Variants in ANKS1B observed in about 807,000 individuals in gnomAD.
ANKS1B encodes the protein ankyrin repeat and sterile alpha motif domain containing 1B, also known as ankyrin repeat and sterile alpha motif domain-containing protein 1B.
In ANKS1B, 36 loss-of-function variants were observed where a neutral mutation model predicts 148.3. The observed-to-expected ratio is 0.24, with a 90% CI of 0.19 to 0.32. ANKS1B has a LOEUF of 0.32. Among genes scored for constraint, ANKS1B ranks in the 10% least tolerant of loss-of-function variants. The pLI, the probability that ANKS1B is intolerant of heterozygous loss-of-function variation, is 1.00. For synonymous variants in ANKS1B, 542 were observed against 560.8 expected, an observed-to-expected ratio of 0.97 and a Z score of 0.47; for missense variants, 1,157 against 1,542.6, an observed-to-expected ratio of 0.75 and a Z score of 4.19.
rs1314475094 is a variant in ANKS1B, at chr12:99,277,083, T to C, written c.1757-30219A>G. ...AACCTGATGATCACAGAGCAGTTCT[T>C]GAAAGGAGTCTTGAGATACCTTCAA... On this transcript the variant is annotated intron_variant, in intron 12 of 26. Coordinates refer to ENST00000683438, the MANE Select transcript of ANKS1B (RefSeq NM_001352186.2). Among the ~76,000 whole-genome samples, 6 of 152,202 alleles carry C rather than the reference T, an allele frequency of 3.9e-5. No homozygotes were observed. The East Asian group carries it at 1.2e-3, about 29-fold the overall frequency.
chr12:99,374,161 G>T (rs2093282542), intron 12 of ANKS1B, among the ~76,000 whole-genome samples: 2 of 152,124 alleles, frequency 1.3e-5, no homozygotes, highest in South Asian at 4.1e-4. Flanking sequence ...CAGAAGTATA[G>T]AGGTTCCCAG....
intron 14 of ANKS1B, among the ~76,000 whole-genome samples, chr12:99,240,541 C>T (rs563557646): frequency 1.1e-4 from 17 of 152,312 alleles, no homozygotes; most frequent in African/African-American, 3.8e-4. Flanking sequence ...AGGACTTGAA[C>T]TCAGCTCTGG....
At chr12:99,253,476 C>A (rs1029683512) in intron 12 of ANKS1B, among the ~76,000 whole-genome samples, 17 of 152,126 alleles carry the variant, frequency 1.1e-4, no homozygotes, top group African/African-American at 4.1e-4. Context: ...GGGCTCATGG[C>A]TACTGTGGCT....
At chr12:99,876,816 T>C (rs1287299374) in intron 1 of ANKS1B, among the ~76,000 whole-genome samples, 1 of 151,876 alleles carries the variant, frequency 6.6e-6, no homozygotes, top group Non-Finnish European at 1.5e-5. Context: ...AAAGTATGAG[T>C]TCTTTTACTT....
At chr12:99,259,258 A>G (rs1027694646) in intron 12 of ANKS1B, among the ~76,000 whole-genome samples, 1 of 152,180 alleles carries the variant, frequency 6.6e-6, no homozygotes, top group Non-Finnish European at 1.5e-5. Flanking sequence ...ATCTTTGGGT[A>G]TTTATTCTGA....
At chr12:99,209,868 C>T (rs2083126348) in intron 14 of ANKS1B, among the ~76,000 whole-genome samples, 1 of 152,072 alleles carries the variant, frequency 6.6e-6, no homozygotes, top group Non-Finnish European at 1.5e-5. Context: ...CATGCCAGCC[C>T]TCATATAACC....
intron 1 of ANKS1B, among the ~76,000 whole-genome samples, chr12:99,940,212 A>G (rs1310616194): frequency 6.6e-6 from 1 of 152,154 alleles, no homozygotes; most frequent in Admixed American, 6.6e-5. Flanking sequence ...TACTCCCACA[A>G]TGCCTCAAGG....
At chr12:99,327,772 A>G (rs916571456) in intron 12 of ANKS1B, among the ~76,000 whole-genome samples, 3 of 151,568 alleles carry the variant, frequency 2.0e-5, no homozygotes, top group Non-Finnish European at 4.4e-5. Flanking sequence ...TTCATGGAAG[A>G]TAATTTAGAA....
At chr12:99,232,043 C>T (rs1044753217) in intron 14 of ANKS1B, among the ~76,000 whole-genome samples, 5 of 152,006 alleles carry the variant, frequency 3.3e-5, no homozygotes, top group African/African-American at 1.2e-4. Flanking sequence ...TGTGACCTGC[C>T]CCTCAGATCC....
chr12:99,495,762 C>G (rs960881439), intron 10 of ANKS1B, among the ~76,000 whole-genome samples: 1 of 152,198 alleles, frequency 6.6e-6, no homozygotes, highest in Non-Finnish European at 1.5e-5. Context: ...CATGTTGACA[C>G]TACCCACTTG....
chr12:99,800,576 G>C (rs1470215082), intron 4 of ANKS1B, among the ~76,000 whole-genome samples: 1 of 151,994 alleles, frequency 6.6e-6, no homozygotes, highest in Non-Finnish European at 1.5e-5. Flanking sequence ...AGAACCAATA[G>C]GATTTGCTGA....
Position 99,651,540 on chromosome 12 carries a change from AG to A in ANKS1B, c.1272+3526del, listed in dbSNP as rs2098419496. Reference sequence around the variant, plus strand: ...ATTGTAGTCCCTTGATAATCATAGAAGGGATCATTGTTAAAAGCACTGCACA... The same window carrying A: ...ATTGTAGTCCCTTGATAATCATAGAAGGATCATTGTTAAAAGCACTGCACA... On this transcript the variant is annotated intron_variant, in intron 9 of 26. Coordinates refer to ENST00000683438, the MANE Select transcript of ANKS1B (RefSeq NM_001352186.2). 2.0e-5 allele frequency among the ~76,000 whole-genome samples: 3 copies of A among 152,284 alleles called. No homozygotes were observed. In the South Asian group the frequency reaches 6.2e-4, roughly 32 times the overall value.
rs1182347379 is a variant in ANKS1B at position 99,042,150 on chromosome 12, C to T, written c.2778+11007G>A. Among the ~76,000 whole-genome samples, 3 of 152,106 alleles carry T rather than the reference C, an allele frequency of 2.0e-5. 1 individual carries two copies. The East Asian group carries it at 5.8e-4, about 29-fold the overall frequency. On this transcript the variant is annotated intron_variant, in intron 17 of 26. Coordinates refer to ENST00000683438, the MANE Select transcript of ANKS1B (RefSeq NM_001352186.2). ...CCTTCCCTACTCTCAAGCTATTTACCGTGTGATTTTGCAGTTGCTCCTATT... is the reference window on the plus strand; with the variant it reads ...CCTTCCCTACTCTCAAGCTATTTACTGTGTGATTTTGCAGTTGCTCCTATT...
chr12:99,216,212 C>T (rs1362386890), intron 14 of ANKS1B, among the ~76,000 whole-genome samples: 2 of 152,178 alleles, frequency 1.3e-5, no homozygotes, highest in Non-Finnish European at 2.9e-5. Flanking sequence ...CTATGTGGAA[C>T]TGTGAGTCCA....
chr12:99,190,318 T>C (rs1203712626), intron 14 of ANKS1B, among the ~76,000 whole-genome samples: 1 of 152,180 alleles, frequency 6.6e-6, no homozygotes, highest in African/African-American at 2.4e-5. Flanking sequence ...ATTGACTTTC[T>C]TCACAGAATT....
chr12:98,925,782 A>G (rs528602984), intron 17 of ANKS1B, among the ~76,000 whole-genome samples: 1 of 152,246 alleles, frequency 6.6e-6, no homozygotes, highest in Non-Finnish European at 1.5e-5. Flanking sequence ...AATGGTCACT[A>G]TTTAACCTGT....
chr12:98,977,965 A>G (rs1244692032), intron 17 of ANKS1B, among the ~76,000 whole-genome samples: 4 of 152,160 alleles, frequency 2.6e-5, no homozygotes, highest in Non-Finnish European at 5.9e-5. Flanking sequence ...TATTTACATA[A>G]TATTTACATT....
At chr12:98,768,550 T>A (rs12370809) in intron 25 of ANKS1B, among the ~76,000 whole-genome samples, 3 of 148,074 alleles carry the variant, frequency 2.0e-5, no homozygotes, top group African/African-American at 7.5e-5. Context: ...TTGGCTAACA[T>A]GGTGAAACCC....
intron 4 of ANKS1B, among the ~76,000 whole-genome samples, chr12:99,795,749 T>C (rs116996861): frequency 2.0e-3 from 300 of 152,138 alleles, no homozygotes; most frequent in Non-Finnish European, 3.4e-3. Flanking sequence ...AAACCAAAGA[T>C]AGTACTGAAC....
Sources: gnomAD v4.1 joint callset for allele counts (sites outside exome capture counted in the v4.1 genomes callset) on GRCh38, gnomAD v4.1.1 for gene constraint, MANE v1.5 for transcripts, NCBI Gene and HGNC (gene_info 2026-07-23, HGNC 2026-07-21) for gene names.